Variants in SDK1 observed in about 807,000 individuals in gnomAD.
The protein encoded by SDK1 is sidekick cell adhesion molecule 1, also known as protein sidekick-1.
Under a neutral mutation model 245.5 loss-of-function variants are expected in SDK1, and 157 were observed. That is an observed-to-expected ratio of 0.64 (90% CI 0.56 to 0.73). The LOEUF (loss-of-function observed/expected upper bound fraction) is 0.73. Among genes scored for constraint, SDK1 ranks in the 30% least tolerant of loss-of-function variants. The pLI is 0.00. For synonymous variants in SDK1, 1,647 were observed against 1,278.5 expected (o/e 1.29, Z -6.15); for missense variants, 3,583 against 3,002.3 (o/e 1.19, Z -4.52).
chr7:3,641,979 C>G lies in SDK1; in HGVS notation c.587C>G (p.Thr196Arg). 1 of 1,613,370 alleles carries G rather than the reference C, an allele frequency of 6.2e-7. No homozygotes were observed. The highest frequency in any genetic ancestry group is 8.5e-7 in the Non-Finnish European group (1 of 1,179,624). Residue 196 changes from threonine to arginine, a missense_variant, in exon 4 of 45, where the codon ACG (threonine) becomes AGG (arginine). Physicochemically the swap from Thr to Arg is moderately conservative, Grantham distance 71. Coordinates refer to ENST00000404826, the MANE Select transcript of SDK1 (RefSeq NM_152744.4). ...GCAGATATGGGAAGTTTCATGGATA[C>G]GGACCAGAGGAAAACAGTTTCTCAA... is the stretch of plus-strand genomic sequence containing the variant. ...QVAYMGSFMD[T>R]DQRKTVSQGR...
chr7:3,490,889 G>T (rs1781844537), intron 1 of SDK1, among the ~76,000 whole-genome samples: 1 of 152,182 alleles, frequency 6.6e-6, no homozygotes, highest in South Asian at 2.1e-4. Context: ...GAGAATGATA[G>T]ATTTTCCTTG....
intron 1 of SDK1, among the ~76,000 whole-genome samples, chr7:3,406,881 C>T (rs1583812354): frequency 2.0e-5 from 3 of 152,164 alleles, no homozygotes; most frequent in Non-Finnish European, 2.9e-5. Context: ...TAAATGTGAA[C>T]AGTACATTTG....
At chr7:4,175,721 C>T (rs985151516) in intron 33 of SDK1, 54 bp from the exon 34 acceptor site, 7 of 1,440,626 alleles carry the variant, frequency 4.9e-6, no homozygotes, top group South Asian at 2.3e-5. Context: ...ACATCACCTG[C>T]GATGGCCGTG....
chr7:3,845,357 G>A (rs778706194), intron 5 of SDK1, among the ~76,000 whole-genome samples: 2 of 151,982 alleles, frequency 1.3e-5, no homozygotes, highest in Non-Finnish European at 2.9e-5. Flanking sequence ...GGGCGTGGTG[G>A]TGCATGCCTG....
At chr7:3,716,856 CAGAA>C (rs1202363099) in intron 4 of SDK1, among the ~76,000 whole-genome samples, 1 of 150,556 alleles carries the variant, frequency 6.6e-6, no homozygotes, top group Admixed American at 6.6e-5. Context: ...GTCCTCCAAA[CAGAA>C]AGAAGAAAAT....
intron 19 of SDK1, among the ~76,000 whole-genome samples, chr7:4,056,149 C>G (rs2128168814): frequency 7.2e-6 from 1 of 137,968 alleles, no homozygotes; most frequent in East Asian, 2.0e-4. Flanking sequence ...TGGAAATAAT[C>G]TCAATTTTTT....
chr7:3,755,317 G>T (rs557183297), intron 4 of SDK1, among the ~76,000 whole-genome samples: 2 of 152,268 alleles, frequency 1.3e-5, no homozygotes, highest in African/African-American at 2.4e-5. Flanking sequence ...GGACGACTCA[G>T]TCACTGGCCA....
chr7:3,696,613 T>C (rs1784580439), intron 4 of SDK1, among the ~76,000 whole-genome samples: 1 of 151,322 alleles, frequency 6.6e-6, no homozygotes, highest in Non-Finnish European at 1.5e-5. Context: ...GTTACCTACA[T>C]TTAAGGTTAC....
chr7:4,169,107 A>G lies in SDK1; in HGVS notation c.4801-5115A>G, dbSNP rs181487437. On this transcript the variant is annotated intron_variant, in intron 32 of 44. Transcript: ENST00000404826. Reference sequence around the variant, plus strand: ...CAGGAGAGGAAAGTCAGAAGCCCCCAGGGTCTTGGAAGTCACTGCCATCTC... The same window carrying G: ...CAGGAGAGGAAAGTCAGAAGCCCCCGGGGTCTTGGAAGTCACTGCCATCTC... 2.6e-5 allele frequency among the ~76,000 whole-genome samples: 4 copies of G among 152,320 alleles called. No homozygotes were observed. The East Asian group carries it at 7.7e-4, about 29-fold the overall frequency.
intron 1 of SDK1, among the ~76,000 whole-genome samples, chr7:3,535,160 C>A (rs769487143): frequency 2.0e-5 from 3 of 152,072 alleles, no homozygotes; most frequent in Non-Finnish European, 4.4e-5. Flanking sequence ...CCTGTAATCC[C>A]AGCTACTCAG....
chr7:3,580,058 T>C (rs182328282), intron 1 of SDK1, among the ~76,000 whole-genome samples: 1 of 152,144 alleles, frequency 6.6e-6, no homozygotes, highest in African/African-American at 2.4e-5. Context: ...ACAAACATAA[T>C]GTAATACCTA....
At chr7:3,335,629 G>A (rs1275362154) in intron 1 of SDK1, among the ~76,000 whole-genome samples, 1 of 152,158 alleles carries the variant, frequency 6.6e-6, no homozygotes, top group African/African-American at 2.4e-5. Flanking sequence ...AAAGTAGTCT[G>A]TAAGAAATAG....
intron 29 of SDK1, among the ~76,000 whole-genome samples, chr7:4,148,153 C>T (rs991966810): frequency 1.3e-5 from 2 of 152,164 alleles, no homozygotes; most frequent in South Asian, 2.1e-4. Context: ...ACCTCCCCTC[C>T]GGAGACCAGG....
At chr7:3,621,931 T>TTTTAC (rs1781954758) in intron 2 of SDK1, among the ~76,000 whole-genome samples, 2 of 152,224 alleles carry the variant, frequency 1.3e-5, no homozygotes, top group Non-Finnish European at 2.9e-5. Flanking sequence ...CCCTTCTGTT[T>TTTTAC]TTTACTTTAT....
intron 5 of SDK1, among the ~76,000 whole-genome samples, chr7:3,843,334 C>T (rs1223888537): frequency 6.6e-6 from 1 of 152,208 alleles, no homozygotes; most frequent in African/African-American, 2.4e-5. Flanking sequence ...GTTGAATCTC[C>T]TGGCTTCGGA....
intron 5 of SDK1, among the ~76,000 whole-genome samples, chr7:3,890,617 G>C (rs1781436035): frequency 6.6e-6 from 1 of 151,866 alleles, no homozygotes; most frequent in African/African-American, 2.4e-5. Flanking sequence ...TATTGTGCTG[G>C]GATATTGTAT....
chr7:3,318,188 T>C (rs1301424378), intron 1 of SDK1, among the ~76,000 whole-genome samples: 1 of 152,242 alleles, frequency 6.6e-6, no homozygotes, highest in African/African-American at 2.4e-5. Flanking sequence ...TCATTTCATA[T>C]TAGCACACAT....
At chr7:3,328,582 C>G (rs946109674) in intron 1 of SDK1, among the ~76,000 whole-genome samples, 2 of 151,978 alleles carry the variant, frequency 1.3e-5, no homozygotes, top group Admixed American at 6.6e-5. Flanking sequence ...GTCTCCTTCC[C>G]CTAATCCTTG....
At chr7:4,156,776 C>T (rs958563893) in intron 30 of SDK1, among the ~76,000 whole-genome samples, 1 of 152,206 alleles carries the variant, frequency 6.6e-6, no homozygotes, top group Non-Finnish European at 1.5e-5. Flanking sequence ...CTGTGTGGGC[C>T]TCTGGACTTC....
Sources: allele counts gnomAD v4.1 joint callset (sites outside exome capture counted in the v4.1 genomes callset), GRCh38; gene constraint gnomAD v4.1.1; transcripts MANE v1.5; gene names NCBI Gene and HGNC (gene_info 2026-07-23, HGNC 2026-07-21).